Variants in KCND3 observed in about 807,000 individuals in gnomAD.
The protein encoded by KCND3 is potassium voltage-gated channel subfamily D member 3.
KCND3 carries 9 observed loss-of-function variants against 51.1 expected under a neutral mutation model. That is an observed-to-expected ratio of 0.18 (90% CI 0.11 to 0.31). The LOEUF (loss-of-function observed/expected upper bound fraction) is 0.31, where lower values mean the gene tolerates loss of function less well. Ranked by LOEUF, KCND3 falls within the 10% of genes least tolerant of loss-of-function variation. The pLI is 1.00. For synonymous variants in KCND3, 349 were observed against 368.0 expected (o/e 0.95, Z 0.59); for missense variants, 526 against 903.8 (o/e 0.58, Z 5.36).
chr1:111,864,351 CA>C (rs1668461702), intron 2 of KCND3, among the ~76,000 whole-genome samples: 1 of 152,166 alleles, frequency 6.6e-6, no homozygotes. Context: ...GGGAGGGTCC[CA>C]GGGGAAATCT....
At chr1:111,833,969 G>A (rs1226602834) in intron 2 of KCND3, among the ~76,000 whole-genome samples, 1 of 152,220 alleles carries the variant, frequency 6.6e-6, no homozygotes, top group Non-Finnish European at 1.5e-5. Flanking sequence ...GGGCACACAG[G>A]CCAGGAGTAG....
chr1:111,841,242 C>T (rs1335032011), intron 2 of KCND3, among the ~76,000 whole-genome samples: 1 of 152,204 alleles, frequency 6.6e-6, no homozygotes, highest in African/African-American at 2.4e-5. Flanking sequence ...CTCACATGGG[C>T]GGCTTCCTCT....
At chr1:111,840,281 T>C (rs1049851162) in intron 2 of KCND3, among the ~76,000 whole-genome samples, 13 of 152,138 alleles carry the variant, frequency 8.5e-5, no homozygotes, top group African/African-American at 1.9e-4. Context: ...GCCTCAGACC[T>C]CCAGACACAG....
intron 2 of KCND3, among the ~76,000 whole-genome samples, chr1:111,816,353 G>T (rs1666088212): frequency 6.6e-6 from 1 of 152,274 alleles, no homozygotes; most frequent in African/African-American, 2.4e-5. Flanking sequence ...AAGCCTGAGT[G>T]GAGTGAACTG....
chr1:111,951,097 G>C (rs1021880192), intron 2 of KCND3, among the ~76,000 whole-genome samples: 3 of 138,736 alleles, frequency 2.2e-5, no homozygotes, highest in African/African-American at 8.2e-5. Context: ...TTGAATCTGA[G>C]AGATGGAGGT....
At chr1:111,836,466 T>C (rs1415701185) in intron 2 of KCND3, among the ~76,000 whole-genome samples, 3 of 152,200 alleles carry the variant, frequency 2.0e-5, no homozygotes, top group African/African-American at 7.2e-5. Context: ...GAGTCTGGGA[T>C]GGGTTATGAT....
chr1:111,957,519 A>T (rs748925095), intron 2 of KCND3, among the ~76,000 whole-genome samples: 14 of 152,118 alleles, frequency 9.2e-5, no homozygotes, highest in Non-Finnish European at 1.5e-4. Flanking sequence ...AATGACCTTT[A>T]AGGTTCTTTT....
intron 2 of KCND3, among the ~76,000 whole-genome samples, chr1:111,888,713 C>T (rs948774393): frequency 1.2e-4 from 17 of 145,630 alleles, no homozygotes; most frequent in African/African-American, 3.8e-4. Flanking sequence ...ATAAAGAAAA[C>T]AAAGACAGTG....
rs141708213 is a variant in KCND3 at position 111,837,886 on chromosome 1, T to C, written c.1107-50780A>G. ...TGAAGAGTACTGGTCAGATATTTTG[T>C]AGAATGTTCCCCAATTGGAATTTGT... On this transcript the variant is annotated intron_variant, in intron 2 of 7. Transcript: ENST00000302127. Among the ~76,000 whole-genome samples, 399 of 152,356 alleles carry C rather than the reference T, an allele frequency of 2.6e-3. 1 individual carries two copies. Among genetic ancestry groups the C allele is most frequent in the African/African-American group, 9.3e-3 (388 of 41,574 alleles).
At chr1:111,901,663 G>A (rs1418495385) in intron 2 of KCND3, among the ~76,000 whole-genome samples, 1 of 152,152 alleles carries the variant, frequency 6.6e-6, no homozygotes, top group African/African-American at 2.4e-5. Flanking sequence ...CGGTGGGGAG[G>A]CTCATTCCCA....
At chr1:111,897,715 C>T (rs1293004615) in intron 2 of KCND3, among the ~76,000 whole-genome samples, 4 of 152,168 alleles carry the variant, frequency 2.6e-5, no homozygotes, top group Admixed American at 2.6e-4. Flanking sequence ...CTGAGGGGAG[C>T]TTGGGTGCAG....
chr1:111,791,084 G>A (rs115388031), intron 2 of KCND3, among the ~76,000 whole-genome samples: 5 of 152,302 alleles, frequency 3.3e-5, no homozygotes, highest in South Asian at 4.2e-4. Flanking sequence ...GGAGTCATAC[G>A]GTAACTATGT....
At chr1:111,988,443 C>T (rs532560322) in intron 1 of KCND3, among the ~76,000 whole-genome samples, 1 of 152,234 alleles carries the variant, frequency 6.6e-6, no homozygotes, top group Admixed American at 6.5e-5. Flanking sequence ...CCCTTGTATA[C>T]TTGCATTTTG....
intron 2 of KCND3, among the ~76,000 whole-genome samples, chr1:111,924,530 G>C (rs868030370): frequency 2.6e-5 from 4 of 152,178 alleles, no homozygotes; most frequent in Non-Finnish European, 2.9e-5. Flanking sequence ...TGGGCTCAGG[G>C]GTTGTCCAAT....
At chr1:111,942,172 A>G (rs541604425) in intron 2 of KCND3, among the ~76,000 whole-genome samples, 1 of 152,372 alleles carries the variant, frequency 6.6e-6, no homozygotes, top group South Asian at 2.1e-4. Context: ...TGTACTAAAA[A>G]TTGTATGTGC....
At position 111,981,963 on chromosome 1, in the gene KCND3, A is replaced by C; in HGVS notation, c.764T>G (p.Ile255Ser). The change falls in exon 2 of 8, where the codon ATC (isoleucine) becomes AGC (serine). Residue 255 changes from isoleucine (I) to serine (S), a missense_variant. Around this residue, in one of 5 missense-constraint regions of KCND3, gnomAD observed 51 missense variants for 84.7 expected, o/e 0.60. Coordinates refer to ENST00000302127, the MANE Select transcript of KCND3 (RefSeq NM_001378969.1). The surrounding 1 kb of genome is among the most constrained non-coding windows in gnomAD (Gnocchi z 6.2). The part of the protein sequence containing the change: ...LFAAPSRYRF[I>S]RSVMSIIDVV... Reference sequence around the variant, plus strand: ...GTCGATGATGCTCATGACGCTGCGGATGAAGCGGTAGCGGCTGGGAGCCGC... The same window carrying C: ...GTCGATGATGCTCATGACGCTGCGGCTGAAGCGGTAGCGGCTGGGAGCCGC... The C allele has an allele frequency of 6.2e-7, 1 of 1,614,050 alleles. No individual in the cohort carries two copies. Among genetic ancestry groups the C allele is most frequent in the Non-Finnish European group, 8.5e-7 (1 of 1,180,010 alleles).
At chr1:111,836,522 G>T (rs1667072153) in intron 2 of KCND3, among the ~76,000 whole-genome samples, 1 of 152,164 alleles carries the variant, frequency 6.6e-6, no homozygotes, top group African/African-American at 2.4e-5. Flanking sequence ...TCTCTTAGTT[G>T]CTTCCCTGCA....
intron 2 of KCND3, among the ~76,000 whole-genome samples, chr1:111,937,213 G>A (rs773925789): frequency 6.6e-6 from 1 of 152,110 alleles, no homozygotes; most frequent in African/African-American, 2.4e-5. Flanking sequence ...GAGGGTAGGA[G>A]AGGGAAAGCA....
chr1:111,873,590 T>G (rs1279984410), intron 2 of KCND3, among the ~76,000 whole-genome samples: 4 of 152,106 alleles, frequency 2.6e-5, no homozygotes, highest in Admixed American at 2.0e-4. Flanking sequence ...GAAGACAGGC[T>G]AAGTGTCTGT....
Sources: allele counts gnomAD v4.1 joint callset (sites outside exome capture counted in the v4.1 genomes callset), GRCh38; gene constraint gnomAD v4.1.1; regional missense constraint gnomAD v4.1.1; non-coding constraint Gnocchi (gnomAD v3.1); transcripts MANE v1.5; gene names NCBI Gene and HGNC (gene_info 2026-07-23, HGNC 2026-07-21).